WDR81: variants seen among roughly 807,000 people sequenced by gnomAD.
WDR81 encodes WD repeat-containing protein 81.
WDR81 carries 92 observed loss-of-function variants against 140.8 expected under a neutral mutation model. The observed-to-expected ratio is 0.65, with a 90% confidence interval of 0.55 to 0.78. WDR81 has a LOEUF of 0.78. Among genes scored for constraint, WDR81 ranks in the 30% least tolerant of loss-of-function variants. The pLI, the probability that WDR81 is intolerant of heterozygous loss-of-function variation, is 0.00. For missense variants in WDR81, 2,502 were observed against 2,636.4 expected, an observed-to-expected ratio of 0.95 and a Z score of 1.12; for synonymous variants, 1,183 against 1,156.4, an observed-to-expected ratio of 1.02 and a Z score of -0.47.
At position 1,732,316 on chromosome 17, in the gene WDR81, T is replaced by G. The variant is rs1482396305; in HGVS notation, c.4158-9T>G. The G allele has an allele frequency of 1.9e-6, 3 of 1,612,654 alleles. No individual in the cohort carries two copies. The Admixed American group carries it at 5.0e-5, about 27-fold the overall frequency. ...ACGGCGGGCTGGAGCTCATGAGCTC[T>G]GTTTCCAGGTTCCCAAGTGGGGCCC... On this transcript the variant is annotated splice_polypyrimidine_tract_variant and intron_variant, in intron 4 of 9. Coordinates refer to ENST00000409644, the MANE Select transcript of WDR81 (RefSeq NM_001163809.2).
Position 1,727,112 on chromosome 17 carries a change from G to A in WDR81, c.2153G>A (p.Arg718Lys), listed in dbSNP as rs754856281. The A allele has an allele frequency of 1.3e-6, 2 of 1,547,172 alleles. No homozygotes were observed. The highest frequency in any genetic ancestry group is 1.7e-6 in the Non-Finnish European group (2 of 1,144,764). ...GADPGEGEEG[R>K]ILLPEGFNPM... is the part of the protein sequence containing the mutation. ...GACCCTGGGGAGGGTGAGGAGGGGAGGATTCTTCTTCCCGAGGGCTTCAAT... is the reference window on the plus strand; with the variant it reads ...GACCCTGGGGAGGGTGAGGAGGGGAAGATTCTTCTTCCCGAGGGCTTCAAT... Residue 718 changes from arginine to lysine, a missense_variant, in exon 1 of 10, where the codon AGG becomes AAG. Physicochemically the swap from Arg to Lys is conservative, Grantham distance 26. Transcript: ENST00000409644.
chr17:1,732,488 C>T lies in WDR81; in HGVS notation c.4321C>T (p.Gln1441Ter), dbSNP rs535508529. Residue 1441 changes from glutamine (Q) to a stop codon, truncating the protein, a stop_gained and splice_region_variant, in exon 5 of 10, where the codon CAG (glutamine) becomes TAG (stop). Coordinates refer to ENST00000409644, the MANE Select transcript of WDR81 (RefSeq NM_001163809.2). LOFTEE classifies it high-confidence loss of function. Reference protein sequence around the residue: ...VFSQLHELRQQDLKLDPAGRG... With the variant: ...VFSQLHELRQ ...CTCTCAGCTGCATGAGCTTCGGCAACAGGTGGGCAGATCTGCTGGGCCAGG... is the reference window on the plus strand; with the variant it reads ...CTCTCAGCTGCATGAGCTTCGGCAATAGGTGGGCAGATCTGCTGGGCCAGG... 1 of 1,612,590 alleles carries T rather than the reference C, an allele frequency of 6.2e-7. No individual in the cohort carries two copies. Among genetic ancestry groups the T allele is most frequent in the East Asian group, 2.2e-5 (1 of 44,836 alleles).
chr17:1,737,582 G>A lies in WDR81; in HGVS notation c.5723G>A (p.Ser1908Asn), dbSNP rs1904992598. The A allele has an allele frequency of 1.9e-6, 3 of 1,612,842 alleles. No individual in the cohort carries two copies. The highest frequency in any genetic ancestry group is 2.5e-6 in the Non-Finnish European group (3 of 1,179,986). Reference sequence around the variant, plus strand: ...CCCTCGCAGGCCACCACGAAGCTCAGCTCTGAGAACTTCCGCGGCACGCTC... The same window carrying A: ...CCCTCGCAGGCCACCACGAAGCTCAACTCTGAGAACTTCCGCGGCACGCTC... ...EPPSQATTKL[S>N]SENFRGTLTS... Residue 1908 changes from serine to asparagine, a missense_variant, in exon 10 of 10, where the codon AGC becomes AAC. Physicochemically the swap from Ser to Asn is conservative, Grantham distance 46. This residue lies in a region of WDR81 where 1,737 missense variants were observed against 1,843.0 expected (regional missense o/e 0.94). Transcript: ENST00000409644.
Position 1,727,473 on chromosome 17 carries a change from G to C in WDR81, c.2514G>C (p.Glu838Asp). The C allele has an allele frequency of 6.4e-7, 1 of 1,550,402 alleles. No individual in the cohort carries two copies. The highest frequency in any genetic ancestry group is 8.7e-7 in the Non-Finnish European group (1 of 1,146,986). ...MSGPEVPMGAERGKLDQLFEY... is the reference protein window; with the variant it reads ...MSGPEVPMGADRGKLDQLFEY... ...GCCCCGAAGTCCCCATGGGAGCAGA[G>C]AGGGGCAAGCTGGACCAACTGTTTG... Residue 838 changes from glutamate to aspartate, a missense_variant, in exon 1 of 10, where the codon GAG becomes GAC. Glu to Asp is a conservative substitution (Grantham distance 45). Transcript: ENST00000409644.
chr17:1,719,543 C>T (rs1376684638), intron 1 of WDR81, among the ~76,000 whole-genome samples: 10 of 134,048 alleles, frequency 7.5e-5, no homozygotes, highest in Admixed American at 6.4e-4. Context: ...AGCAAGACTC[C>T]GTCTCAAAAA....
rs1185492878 is a variant in WDR81, at chr17:1,727,149, C to A, written c.2190C>A (p.Ala730=). Residue 730 remains alanine (A), a synonymous_variant, in exon 1 of 10, where the codon GCC becomes GCA. Transcript: ENST00000409644. ...LLPEGFNPMQ[A]LEELEKTGNF... is the part of the protein sequence containing the mutation. ...CCGAGGGCTTCAATCCCATGCAGGC[C>A]CTGGAGGAGCTGGAGAAAACGGGCA... 4 of 1,547,638 alleles carry A rather than the reference C, an allele frequency of 2.6e-6. No homozygotes were observed. The South Asian group carries it at 3.6e-5, about 14-fold the overall frequency.
upstream of WDR81, among the ~76,000 whole-genome samples, chr17:1,724,040 C>T (rs1915041211): frequency 6.6e-6 from 1 of 152,050 alleles, no homozygotes; most frequent in Non-Finnish European, 1.5e-5. Flanking sequence ...TGGAAGGTGG[C>T]ATGGAGGCGC....
Position 1,728,125 on chromosome 17 carries a change from C to G in WDR81, c.3166C>G (p.Pro1056Ala). Residue 1056 changes from proline to alanine, a missense_variant, in exon 1 of 10, where the codon CCT becomes GCT. Transcript: ENST00000409644. ...FGEEIPMDGEPPASSGLGLPD... is the reference protein window; with the variant it reads ...FGEEIPMDGEAPASSGLGLPD... Reference sequence around the variant, plus strand: ...GGAGGAGATTCCCATGGATGGGGAGCCTCCTGCCTCCTCGGGCCTGGGGCT... The same window carrying G: ...GGAGGAGATTCCCATGGATGGGGAGGCTCCTGCCTCCTCGGGCCTGGGGCT... 1 of 1,605,354 alleles carries G rather than the reference C, an allele frequency of 6.2e-7. No homozygotes were observed. Among genetic ancestry groups the G allele is most frequent in the South Asian group, 1.1e-5 (1 of 90,580 alleles).
intron 1 of WDR81, among the ~76,000 whole-genome samples, chr17:1,717,907 T>C (rs1398655871): frequency 6.6e-6 from 1 of 152,028 alleles, no homozygotes; most frequent in Non-Finnish European, 1.5e-5. Context: ...AGGTCCAGAA[T>C]GGTGGCTGGC....
chr17:1,729,098 C>T (rs951203204), intron 1 of WDR81, among the ~76,000 whole-genome samples: 10 of 152,206 alleles, frequency 6.6e-5, no homozygotes, highest in Non-Finnish European at 1.3e-4. Flanking sequence ...ACCCAGCAGA[C>T]GAGATGCCGC....
intron 1 of WDR81, among the ~76,000 whole-genome samples, chr17:1,729,774 A>G (rs547245456): frequency 6.6e-6 from 1 of 152,168 alleles, no homozygotes; most frequent in East Asian, 1.9e-4. Flanking sequence ...CATCCTGGCC[A>G]ATATGGTGAA....
chr17:1,730,349 G>C (rs745846627), intron 1 of WDR81, 31 bp from the exon 2 acceptor site: 1 of 1,568,124 alleles, frequency 6.4e-7, no homozygotes. Flanking sequence ...CCTGTTATCT[G>C]AGGAGCTCAG....
In WDR81 at chr17:1,728,595, G is replaced by A. The variant is rs2151165892; in HGVS notation, c.3636G>A (p.Gln1212=). The A allele has an allele frequency of 1.3e-6, 2 of 1,484,278 alleles. No individual in the cohort carries two copies. Among genetic ancestry groups the A allele is most frequent in the East Asian group, 4.9e-5 (2 of 40,670 alleles). The allele number at this position is 1,484,278 out of a possible 1,614,324, so 91.9% of individuals were successfully genotyped here. Residue 1212 remains glutamine, a synonymous_variant, in exon 1 of 10, where the codon CAG becomes CAA. Coordinates refer to ENST00000409644, the MANE Select transcript of WDR81 (RefSeq NM_001163809.2). ...AAGAGGAGGAGGCACTGCCTGAGCA[G>A]TCAGAAGGCAAAGAACAGAAGATCC... The part of the protein sequence containing the change: ...GEEEEEALPE[Q]SEGKEQKILL...
upstream of WDR81, chr17:1,724,416 CT>C (rs1361334990): frequency 2.1e-6 from 2 of 938,832 alleles, no homozygotes; most frequent in Non-Finnish European, 2.5e-6. Context: ...GCGGTCCGCA[CT>C]TAACTAAGAG....
upstream of WDR81, chr17:1,724,499 G>C (rs1291233172): frequency 3.0e-6 from 3 of 985,930 alleles, no homozygotes; most frequent in African/African-American, 5.2e-5. Flanking sequence ...GAGGGGTGGG[G>C]CGGTAGGCAT....
chr17:1,727,334 C>T lies in WDR81; in HGVS notation c.2375C>T (p.Pro792Leu). Residue 792 changes from proline (P) to leucine (L), a missense_variant, in exon 1 of 10, where the codon CCC (proline) becomes CTC (leucine). Physicochemically the swap from Pro to Leu is moderately conservative, Grantham distance 98. Coordinates refer to ENST00000409644, the MANE Select transcript of WDR81 (RefSeq NM_001163809.2). ...VFATRVRTLQPDAPLWVRFQA... is the reference protein window; with the variant it reads ...VFATRVRTLQLDAPLWVRFQA... ...GCCACCAGGGTGCGGACGCTGCAGC[C>T]CGATGCACCTTTGTGGGTACGCTTC... 3.2e-6 allele frequency: 5 copies of T among 1,549,942 alleles called. No individual in the cohort carries two copies. The highest frequency in any genetic ancestry group is 4.4e-6 in the Non-Finnish European group (5 of 1,146,972).
At chr17:1,724,221 G>T (rs1336069338), upstream of WDR81, among the ~76,000 whole-genome samples, 1 of 152,168 alleles carries the variant, frequency 6.6e-6, no homozygotes, top group African/African-American at 2.4e-5. Flanking sequence ...AAAATTAGCC[G>T]GGCGTGGTGG....
chr17:1,736,146 G>A lies in WDR81; in HGVS notation c.5433G>A (p.Val1811=). Residue 1811 remains valine, a synonymous_variant, in exon 9 of 10, where the codon GTG becomes GTA. Transcript: ENST00000409644. ...CCGGCTTCTCCTCAGGCTTCATGGT[G>A]CTCCTGGACACCCGCACAGGCCTGG... ...VVAGFSSGFM[V]LLDTRTGLVL... 6.2e-7 allele frequency: 1 copy of A among 1,601,942 alleles called. No homozygotes were observed. Among genetic ancestry groups the A allele is most frequent in the South Asian group, 1.1e-5 (1 of 91,078 alleles).
At chr17:1,720,640 C>T (rs1567714326), upstream of WDR81, among the ~76,000 whole-genome samples, 1 of 151,996 alleles carries the variant, frequency 6.6e-6, no homozygotes, top group South Asian at 2.1e-4. Context: ...AGCCAGGCGC[C>T]TGTAATCCCA....
Sources: gnomAD v4.1 joint callset for allele counts (sites outside exome capture counted in the v4.1 genomes callset) on GRCh38, gnomAD v4.1.1 for gene constraint, gnomAD v4.1.1 regional missense constraint, MANE v1.5 for transcripts, NCBI Gene and HGNC (gene_info 2026-07-23, HGNC 2026-07-21) for gene names.